SATB1: variants seen among roughly 807,000 people sequenced by gnomAD.
The protein encoded by SATB1 is SATB homeobox 1, also known as DNA-binding protein SATB1.
A neutral mutation model predicts 86.9 loss-of-function variants in SATB1; 11 were observed. The ratio of observed to expected loss-of-function variants is 0.13; its 90% CI spans 0.08 to 0.21. The LOEUF is 0.21. Among genes scored for constraint, SATB1 ranks in the 10% least tolerant of loss-of-function variants. SATB1 has a pLI of 1.00. For synonymous variants in SATB1, 357 were observed against 357.2 expected (o/e 1.00, Z 0.01); for missense variants, 551 against 937.6 (o/e 0.59, Z 5.39).
chr3:18,397,123 C>A, intron 6 of SATB1, 56 bp downstream of exon 6: 2 of 963,244 alleles, frequency 2.1e-6, no homozygotes, highest in Non-Finnish European at 3.4e-6. Flanking sequence ...CTTTGATAAA[C>A]CCCCAAATGA....
chr3:18,410,587 G>A (rs369819952), intron 5 of SATB1, among the ~76,000 whole-genome samples: 1 of 152,038 alleles, frequency 6.6e-6, no homozygotes, highest in South Asian at 2.1e-4. Flanking sequence ...CTAATAAGAT[G>A]TTATATCCTT....
intron 8 of SATB1, among the ~76,000 whole-genome samples, chr3:18,384,759 T>C (rs992101789): frequency 4.6e-5 from 7 of 152,196 alleles, no homozygotes; most frequent in African/African-American, 1.7e-4. Flanking sequence ...ATATTTTTTA[T>C]ACATAAAGAG....
chr3:18,400,536 T>C (rs1020904970), intron 5 of SATB1, among the ~76,000 whole-genome samples: 8 of 152,210 alleles, frequency 5.3e-5, no homozygotes, highest in South Asian at 2.1e-4. Flanking sequence ...TCATTTAGCA[T>C]ATACTTAAAT....
intron 5 of SATB1, among the ~76,000 whole-genome samples, chr3:18,410,632 G>A (rs1175575078): frequency 3.9e-5 from 6 of 152,024 alleles, no homozygotes; most frequent in Non-Finnish European, 8.8e-5. Context: ...CTGGCATACG[G>A]CAGACTGTCA....
chr3:18,404,348 A>T (rs1465838768), intron 5 of SATB1, among the ~76,000 whole-genome samples: 1 of 151,968 alleles, frequency 6.6e-6, no homozygotes, highest in Non-Finnish European at 1.5e-5. Context: ...TGGAATCTCA[A>T]TTTGTTGAGA....
intron 9 of SATB1, among the ~76,000 whole-genome samples, chr3:18,357,683 A>G (rs1694716430): frequency 2.0e-5 from 3 of 151,778 alleles, no homozygotes; most frequent in Admixed American, 2.0e-4. Flanking sequence ...AGGTTTAAAG[A>G]TATCACAAAG....
At chr3:18,350,974 G>C (rs763832002) in intron 10 of SATB1, 2 of 327,228 alleles carry the variant, frequency 6.1e-6, no homozygotes, top group East Asian at 1.6e-4. Context: ...CTTTAAAAGA[G>C]AGCTAAAATC....
chr3:18,374,093 T>C (rs534028370), intron 9 of SATB1, among the ~76,000 whole-genome samples: 1 of 152,290 alleles, frequency 6.6e-6, no homozygotes, highest in East Asian at 1.9e-4. Context: ...CTACTGTACC[T>C]GCAAGCTCCA....
At chr3:18,389,429 T>C (rs78129002) in intron 7 of SATB1, among the ~76,000 whole-genome samples, 1,775 of 152,132 alleles carry the variant, frequency 0.012, 31 homozygotes, top group African/African-American at 0.041. Context: ...AGATCCCAGA[T>C]ATGGGAATGT....
intron 6 of SATB1, among the ~76,000 whole-genome samples, chr3:18,395,538 T>G (rs751885639): frequency 4.6e-5 from 7 of 152,240 alleles, no homozygotes; most frequent in Non-Finnish European, 1.0e-4. Flanking sequence ...CTTATATGCC[T>G]TGCTTCATTT....
upstream of SATB1, among the ~76,000 whole-genome samples, chr3:18,441,290 C>G (rs1699238538): frequency 6.6e-6 from 1 of 151,974 alleles, no homozygotes; most frequent in African/African-American, 2.4e-5. Context: ...GAGTACTGAG[C>G]AAAATATTTC....
chr3:18,352,088 T>C lies in SATB1; in HGVS notation c.1683A>G (p.Pro561=), dbSNP rs748672259. 1 of 1,614,210 alleles carries C rather than the reference T, an allele frequency of 6.2e-7. No homozygotes were observed. The highest frequency in any genetic ancestry group is 2.2e-5 in the East Asian group (1 of 44,880). Residue 561 remains proline (P), a synonymous_variant, in exon 10 of 11, where the codon CCA becomes CCG. Transcript: ENST00000338745. This position sits in a 1 kb window ranked among gnomAD's most constrained non-coding sequence, Gnocchi z 4.1. ...CCTGTTCATAAATGGCATCACGTTC[T>C]GGCTGAGGAAGACTGAGGAACCTTC... The part of the protein sequence containing the change: ...MIRRFLSLPQ[P]ERDAIYEQES...
At chr3:18,368,017 T>C (rs1695272646) in intron 9 of SATB1, among the ~76,000 whole-genome samples, 1 of 152,186 alleles carries the variant, frequency 6.6e-6, no homozygotes, top group South Asian at 2.1e-4. Context: ...AATGAAACCA[T>C]AAATTTTATT....
rs779757472 is a variant in SATB1, at chr3:18,394,460, A to G, written c.1206+2T>C. The G allele has an allele frequency of 6.2e-7, 1 of 1,613,664 alleles. No individual in the cohort carries two copies. On this transcript the variant is annotated splice_donor_variant, in intron 7 of 10. Coordinates refer to ENST00000338745, the MANE Select transcript of SATB1 (RefSeq NM_002971.6). LOFTEE classifies it high-confidence loss of function. This position sits in a 1 kb window ranked among gnomAD's most constrained non-coding sequence, Gnocchi z 5.9. ...CAGAACCACTTATGAAACACAACTG[A>G]CCTGAGTTCTGTTAAAAGCCACACG...
chr3:18,423,307 G>A (rs1183211293), intron 1 of SATB1, among the ~76,000 whole-genome samples: 1 of 152,098 alleles, frequency 6.6e-6, no homozygotes, highest in Admixed American at 6.5e-5. Context: ...GATAATTACT[G>A]AATAAAACAG....
chr3:18,374,369 G>C (rs1695632742), intron 9 of SATB1, among the ~76,000 whole-genome samples: 1 of 151,992 alleles, frequency 6.6e-6, no homozygotes, highest in Non-Finnish European at 1.5e-5. Context: ...TTTTTAAACA[G>C]TAAAATTAGC....
chr3:18,443,726 G>C lies in SATB1; in HGVS notation c.-25+1792C>G, dbSNP rs904074559. Among the ~76,000 whole-genome samples, 7 of 152,142 alleles carry C rather than the reference G, an allele frequency of 4.6e-5. No individual in the cohort carries two copies. The highest frequency in any genetic ancestry group is 8.8e-5 in the Non-Finnish European group (6 of 68,030). ...CGGTTCTGCCGGCCCGGGAGCCTTA[G>C]CACTGGAGCAATAGGAAAAGGCCAC... is the stretch of plus-strand genomic sequence containing the variant. On this transcript the variant is annotated intron_variant, in intron 1 of 3. Coordinates refer to the SATB1 transcript ENST00000415069. The surrounding 1 kb of genome is among the most constrained non-coding windows in gnomAD (Gnocchi z 4.4).
chr3:18,355,212 T>A (rs1249716401), intron 9 of SATB1, among the ~76,000 whole-genome samples: 1 of 152,020 alleles, frequency 6.6e-6, no homozygotes. Flanking sequence ...AAAAAAATAA[T>A]GGAAAACAGA....
chr3:18,410,166 A>C (rs749321232), intron 5 of SATB1, among the ~76,000 whole-genome samples: 3 of 152,082 alleles, frequency 2.0e-5, no homozygotes, highest in Non-Finnish European at 2.9e-5. Flanking sequence ...GACAACATAC[A>C]AACAAAAAAT....
Sources: gnomAD v4.1 joint callset for allele counts (sites outside exome capture counted in the v4.1 genomes callset) on GRCh38, gnomAD v4.1.1 for gene constraint, Gnocchi (gnomAD v3.1) non-coding constraint, MANE v1.5 for transcripts, NCBI Gene and HGNC (gene_info 2026-07-23, HGNC 2026-07-21) for gene names.